DLC1: variants seen among roughly 807,000 people sequenced by gnomAD.
The protein encoded by DLC1 is DLC1 Rho GTPase activating protein.
Under a neutral mutation model 140.3 loss-of-function variants are expected in DLC1, and 54 were observed. That is an observed-to-expected ratio of 0.38 (90% CI 0.31 to 0.48). The LOEUF is 0.48. Ranked by LOEUF, DLC1 falls within the 20% of genes least tolerant of loss-of-function variation. The probability of loss-of-function intolerance (pLI) is 0.96; values close to 1 mark genes in which losing one functional copy is unlikely to be tolerated. For synonymous variants in DLC1, 986 were observed against 728.1 expected (o/e 1.35, Z -5.70); for missense variants, 2,536 against 1,907.0 (o/e 1.33, Z -6.14).
At chr8:13,414,097 C>G (rs555551334) in intron 2 of DLC1, among the ~76,000 whole-genome samples, 1 of 152,178 alleles carries the variant, frequency 6.6e-6, no homozygotes, top group South Asian at 2.1e-4. Context: ...AAAAAGCTCC[C>G]CAGGAATTTT....
intron 4 of DLC1, among the ~76,000 whole-genome samples, chr8:13,384,563 TA>T (rs970685155): frequency 3.3e-5 from 5 of 152,206 alleles, no homozygotes; most frequent in Non-Finnish European, 7.3e-5. Context: ...GTTCATCTTC[TA>T]AAAAATCATT....
At chr8:13,122,983 T>A (rs1821227214) in intron 5 of DLC1, among the ~76,000 whole-genome samples, 1 of 152,136 alleles carries the variant, frequency 6.6e-6, no homozygotes, top group Non-Finnish European at 1.5e-5. Flanking sequence ...TTGATCCAAC[T>A]AGGCGTACTG....
At chr8:13,519,276 C>T (rs1337077993), upstream of DLC1, among the ~76,000 whole-genome samples, 1 of 152,002 alleles carries the variant, frequency 6.6e-6, no homozygotes, top group African/African-American at 2.4e-5. Context: ...TACTGGCACC[C>T]GCCACCATGC....
intron 1 of DLC1, among the ~76,000 whole-genome samples, chr8:13,528,864 C>G (rs1379144785): frequency 6.6e-6 from 1 of 152,176 alleles, no homozygotes; most frequent in African/African-American, 2.4e-5. Context: ...GGGTGATGGT[C>G]TCCATAACTG....
rs375846919 is a variant in DLC1, at chr8:13,495,711, A to G, written c.1023+3338T>C. Among the ~76,000 whole-genome samples the G allele has an allele frequency of 6.6e-4, 101 of 152,314 alleles. No individual in the cohort carries two copies. In the South Asian group the frequency reaches 0.021, roughly 31 times the overall value. On this transcript the variant is annotated intron_variant, in intron 2 of 17. Transcript: ENST00000276297. ...TGTGACTAAACCCTGGTAGTCTGAA[A>G]TATCATCGGAAACTAAGAAAACTAA...
At chr8:13,309,193 A>G (rs1373426321) in intron 4 of DLC1, among the ~76,000 whole-genome samples, 4 of 152,200 alleles carry the variant, frequency 2.6e-5, no homozygotes, top group African/African-American at 9.6e-5. Context: ...AAGCAATTAA[A>G]TAGGATTTTC....
chr8:13,133,202 T>A, intron 5 of DLC1: 1 of 1,423,030 alleles, frequency 7.0e-7, no homozygotes. Flanking sequence ...GGGCGAGAAG[T>A]CCGTGAGCCG....
chr8:13,493,499 A>G (rs1405379970), intron 2 of DLC1, among the ~76,000 whole-genome samples: 1 of 152,184 alleles, frequency 6.6e-6, no homozygotes, highest in African/African-American at 2.4e-5. Flanking sequence ...TTTAGTGATC[A>G]GATCTGGGTA....
intron 4 of DLC1, among the ~76,000 whole-genome samples, chr8:13,380,929 C>A (rs991784512): frequency 2.0e-5 from 3 of 152,088 alleles, no homozygotes; most frequent in African/African-American, 7.2e-5. Flanking sequence ...TTTTTGTATG[C>A]AGTGAAAACA....
chr8:13,325,538 G>C (rs1833303519), intron 4 of DLC1, among the ~76,000 whole-genome samples: 1 of 152,020 alleles, frequency 6.6e-6, no homozygotes, highest in African/African-American at 2.4e-5. Flanking sequence ...TTGATGAGTG[G>C]GTAGTTTCTG....
chr8:13,166,066 A>G (rs917949391), intron 5 of DLC1, among the ~76,000 whole-genome samples: 18 of 152,172 alleles, frequency 1.2e-4, no homozygotes, highest in African/African-American at 4.1e-4. Context: ...CCTATTCCCA[A>G]TGAAGCTCAC....
At chr8:13,261,576 T>C (rs1036619498) in intron 5 of DLC1, among the ~76,000 whole-genome samples, 1 of 151,954 alleles carries the variant, frequency 6.6e-6, no homozygotes, top group African/African-American at 2.4e-5. Flanking sequence ...GGGAGGCCAG[T>C]TGAGGAGTGA....
chr8:13,402,602 T>C (rs1465528866), intron 2 of DLC1, among the ~76,000 whole-genome samples: 1 of 152,222 alleles, frequency 6.6e-6, no homozygotes, highest in Admixed American at 6.5e-5. Context: ...ATTGTATTGA[T>C]CTGGGTGAAA....
intron 4 of DLC1, among the ~76,000 whole-genome samples, chr8:13,382,233 C>A (rs535525184): frequency 2.6e-5 from 4 of 151,902 alleles, no homozygotes; most frequent in African/African-American, 7.3e-5. Flanking sequence ...GGAGGCCGGG[C>A]GCGGTGGCTC....
intron 4 of DLC1, among the ~76,000 whole-genome samples, chr8:13,344,589 GT>G (rs1426942442): frequency 6.6e-6 from 1 of 152,232 alleles, no homozygotes; most frequent in Non-Finnish European, 1.5e-5. Flanking sequence ...GGCTTTTGGT[GT>G]TTTGCCACAA....
In DLC1 at chr8:13,381,432, C is replaced by T. The variant is rs187342554; in HGVS notation, c.1314+12121G>A. On this transcript the variant is annotated intron_variant, in intron 4 of 17. Transcript: ENST00000276297. ...GATCTGTGTGTCCTGGTAGATATGT[C>T]TGGTAGAGTCCACTGTCACATTGAT... Among the ~76,000 whole-genome samples the T allele has an allele frequency of 5.3e-3, 808 of 152,262 alleles. 6 individuals carry two copies. Among genetic ancestry groups the T allele is most frequent in the African/African-American group, 0.018 (743 of 41,542 alleles).
At chr8:13,371,029 G>C (rs762518949) in intron 4 of DLC1, among the ~76,000 whole-genome samples, 2 of 152,108 alleles carry the variant, frequency 1.3e-5, no homozygotes, top group Non-Finnish European at 2.9e-5. Context: ...GTATTATTGG[G>C]GGAAATCCTC....
At chr8:13,575,311 A>T (rs951980055) in intron 1 of DLC1, among the ~76,000 whole-genome samples, 1 of 152,154 alleles carries the variant, frequency 6.6e-6, no homozygotes, top group African/African-American at 2.4e-5. Context: ...CTGAGAGAGT[A>T]TGAAGGTTTA....
rs561709319 is a variant in DLC1, at chr8:13,480,113, A to G, written c.1023+18936T>C. Among the ~76,000 whole-genome samples, 7 of 152,316 alleles carry G rather than the reference A, an allele frequency of 4.6e-5. No homozygotes were observed. In the South Asian group the frequency reaches 1.4e-3, roughly 32 times the overall value. ...TTTACAAAAGACAGACATCAGTGTG[A>G]CATATAGATCTTCTAATATAAAATA... On this transcript the variant is annotated intron_variant, in intron 2 of 17. Coordinates refer to ENST00000276297, the MANE Select transcript of DLC1 (RefSeq NM_182643.3).
Sources: allele counts gnomAD v4.1 joint callset (sites outside exome capture counted in the v4.1 genomes callset), GRCh38; gene constraint gnomAD v4.1.1; transcripts MANE v1.5; gene names NCBI Gene and HGNC (gene_info 2026-07-23, HGNC 2026-07-21).